THOC1: variants seen among roughly 807,000 people sequenced by gnomAD.
THOC1 encodes THO complex subunit 1, also known as THO complex 1.
Under a neutral mutation model 97.3 loss-of-function variants are expected in THOC1, and 29 were observed. The observed-to-expected ratio is 0.30, with a 90% CI of 0.22 to 0.41. The LOEUF is 0.41. Ranked by LOEUF, THOC1 falls within the 10% of genes least tolerant of loss-of-function variation. The probability of loss-of-function intolerance (pLI) is 1.00; values close to 1 mark genes in which losing one functional copy is unlikely to be tolerated. For missense variants in THOC1, 529 were observed against 761.9 expected (o/e 0.69, Z 3.60); for synonymous variants, 255 against 257.0 (o/e 0.99, Z 0.07).
At chr18:260,814 A>G (rs902178835) in intron 4 of THOC1, 1 of 152,248 alleles carries the variant, frequency 6.6e-6, no homozygotes, top group African/African-American at 2.4e-5. Flanking sequence ...AACGACTATA[A>G]TAACTTGGAA....
At position 227,839 on chromosome 18, in the gene THOC1, T is replaced by G. The variant is rs77357320; in HGVS notation, c.919-938A>C. ...ATTGGTTTTGGTTCAATGTCCCAAG[T>G]GCTGGTGGCTCTGCTTTACGTGGTT... On this transcript the variant is annotated intron_variant, in intron 11 of 20. Transcript: ENST00000261600. Among the ~76,000 whole-genome samples, 4,202 of 152,192 alleles carry G rather than the reference T, an allele frequency of 0.028. 366 individuals are homozygous for G. The East Asian group carries it at 0.31, about 11-fold the overall frequency.
rs571751610 is a variant in THOC1 at position 265,443 on chromosome 18, T to C, written c.128+14A>G. 1.3e-6 allele frequency: 2 copies of C among 1,591,476 alleles called. No homozygotes were observed. The highest frequency in any genetic ancestry group is 2.3e-5 in the South Asian group (2 of 86,678). ...GATTGAGGCAAGTATTTTTCATAGATATCAATGCCTTACCTGCCAGGTACC... is the reference window on the plus strand; with the variant it reads ...GATTGAGGCAAGTATTTTTCATAGACATCAATGCCTTACCTGCCAGGTACC... On this transcript the variant is annotated intron_variant, in intron 2 of 20. Transcript: ENST00000261600.
chr18:246,342 T>C lies in THOC1; in HGVS notation c.900A>G (p.Lys300=). The C allele has an allele frequency of 2.5e-6, 4 of 1,578,878 alleles. No homozygotes were observed. Among genetic ancestry groups the C allele is most frequent in the Non-Finnish European group, 3.5e-6 (4 of 1,155,470 alleles). ...CTTATACCTTTTCACTTGTTAAAAATTTTGCAAAATATACATGTTCTCCTC... is the reference window on the plus strand; with the variant it reads ...CTTATACCTTTTCACTTGTTAAAAACTTTGCAAAATATACATGTTCTCCTC... ...KTGGEHVYFA[K]FLTSEKLMDL... Residue 300 remains lysine, a synonymous_variant, in exon 11 of 21, where the codon AAA becomes AAG. Transcript: ENST00000261600.
At chr18:235,086 T>A (rs530060800) in intron 11 of THOC1, among the ~76,000 whole-genome samples, 529 of 20,966 alleles carry the variant, frequency 0.025, 1 homozygote, top group African/African-American at 0.094. Flanking sequence ...TGGTTTTCTA[T>A]TTTTTTTTTT....
intron 16 of THOC1, 137 bp downstream of exon 16, chr18:223,947 A>G: frequency 1.5e-6 from 1 of 672,370 alleles, no homozygotes; most frequent in Non-Finnish European, 2.6e-6. Context: ...CAGTATAGAC[A>G]GTGCGGTTTG....
Position 259,855 on chromosome 18 carries a change from CT to C in THOC1, c.376-126del, listed in dbSNP as rs1272674181. 2.1e-4 allele frequency: 131 copies of C among 621,960 alleles called. 1 individual carries two copies. In the African/African-American group the frequency reaches 2.4e-3, roughly 11 times the overall value. 38.5% of individuals were successfully genotyped at this position (621,960 alleles called of 1,614,324 possible). A position where few individuals can be genotyped will look rare whatever the true frequency, so the allele number is the denominator to read the frequency against. On this transcript the variant is annotated intron_variant, in intron 5 of 20. Transcript: ENST00000261600. ...CTGAGAATCTACTATGCCACTTTCA[CT>C]TTTTTTAAGCAAATAACATTTTCAA...
At chr18:249,850 T>C (rs1174839270) in intron 9 of THOC1, among the ~76,000 whole-genome samples, 1 of 152,162 alleles carries the variant, frequency 6.6e-6, no homozygotes, top group East Asian at 1.9e-4. Context: ...AGTAACAAAA[T>C]GTTACTCAGT....
At chr18:230,962 G>C (rs1234422351) in intron 11 of THOC1, among the ~76,000 whole-genome samples, 1 of 151,990 alleles carries the variant, frequency 6.6e-6, no homozygotes, top group South Asian at 2.1e-4. Context: ...AGGCTGTTGT[G>C]AACTCCAGGC....
At chr18:266,279 G>A (rs1367772604) in intron 1 of THOC1, among the ~76,000 whole-genome samples, 3 of 152,176 alleles carry the variant, frequency 2.0e-5, no homozygotes, top group Admixed American at 2.0e-4. Flanking sequence ...TCCTTGCTCT[G>A]CCACTAACAG....
At chr18:215,137 C>G (rs147066363) in intron 20 of THOC1, among the ~76,000 whole-genome samples, 1 of 152,178 alleles carries the variant, frequency 6.6e-6, no homozygotes, top group African/African-American at 2.4e-5. Context: ...GTAGGCTTTC[C>G]CTGAAATGAG....
At chr18:225,446 G>A (rs1196507127) in intron 12 of THOC1, 43 bp from the exon 13 acceptor site, 1 of 1,538,950 alleles carries the variant, frequency 6.5e-7, no homozygotes. Flanking sequence ...TTACAGCAAT[G>A]CATATGCAAC....
intron 8 of THOC1, among the ~76,000 whole-genome samples, chr18:253,519 C>A (rs1460524349): frequency 6.6e-6 from 1 of 152,122 alleles, no homozygotes; most frequent in African/African-American, 2.4e-5. Context: ...TGGAGAAAAA[C>A]AACATGTTTG....
At chr18:224,388 G>A (rs750179001) in intron 15 of THOC1, among the ~76,000 whole-genome samples, 22 of 152,164 alleles carry the variant, frequency 1.4e-4, no homozygotes, top group Non-Finnish European at 2.6e-4. Flanking sequence ...AGACCAGCCT[G>A]GCCAACATGG....
chr18:253,098 T>A (rs1015496407), intron 8 of THOC1, among the ~76,000 whole-genome samples: 3 of 152,232 alleles, frequency 2.0e-5, no homozygotes, highest in African/African-American at 4.8e-5. Flanking sequence ...CAATATTTTT[T>A]AAAAATTGAT....
intron 7 of THOC1, 33 bp downstream of exon 7, chr18:259,147 T>G (rs1912525632): frequency 6.7e-7 from 1 of 1,498,774 alleles, no homozygotes; most frequent in Non-Finnish European, 9.1e-7. Context: ...AAGATTTTCC[T>G]GCAGAAAACT....
Position 218,955 on chromosome 18 carries a change from G to A in THOC1, c.1385C>T (p.Thr462Ile). The A allele has an allele frequency of 6.2e-7, 1 of 1,602,866 alleles. No individual in the cohort carries two copies. The highest frequency in any genetic ancestry group is 8.5e-7 in the Non-Finnish European group (1 of 1,174,006). ...GGCTTCTTCAAAGAATTCCTCCAAA[G>A]TGGGCATGTGTTCCCTGAGCGGTAC... ...CKSETREHMP[T>I]LEEFFEEAIE... Residue 462 changes from threonine (T) to isoleucine (I), a missense_variant, in exon 18 of 21, where the codon ACT (threonine) becomes ATT (isoleucine). Physicochemically the swap from Thr to Ile is moderately conservative, Grantham distance 89. Coordinates refer to ENST00000261600, the MANE Select transcript of THOC1 (RefSeq NM_005131.3).
At chr18:248,760 T>A (rs903135099) in intron 9 of THOC1, among the ~76,000 whole-genome samples, 10 of 149,368 alleles carry the variant, frequency 6.7e-5, no homozygotes, top group South Asian at 2.1e-4. Context: ...TTAATTTAAA[T>A]TTTTTTTTTT....
intron 7 of THOC1, among the ~76,000 whole-genome samples, chr18:256,812 T>C (rs1217041233): frequency 6.6e-6 from 1 of 152,226 alleles, no homozygotes; most frequent in African/African-American, 2.4e-5. Flanking sequence ...CATCATGTGC[T>C]ACAGAGAAAT....
At chr18:232,097 CTTAT>C (rs1432170177) in intron 11 of THOC1, among the ~76,000 whole-genome samples, 2 of 152,082 alleles carry the variant, frequency 1.3e-5, no homozygotes, top group African/African-American at 4.8e-5. Flanking sequence ...AATTATTATT[CTTAT>C]TTATTGTTTT....
Sources: allele counts gnomAD v4.1 joint callset (sites outside exome capture counted in the v4.1 genomes callset), GRCh38; gene constraint gnomAD v4.1.1; transcripts MANE v1.5; gene names NCBI Gene and HGNC (gene_info 2026-07-23, HGNC 2026-07-21).